Variants in MCOLN2 observed in about 807,000 individuals in gnomAD.
MCOLN2 encodes mucolipin TRP cation channel 2.
MCOLN2 carries 57 observed loss-of-function variants against 67.5 expected under a neutral mutation model. That is an observed-to-expected ratio of 0.84 (90% CI 0.68 to 1.05). The LOEUF is 1.05. Ranked by LOEUF, MCOLN2 falls within the 50% of genes least tolerant of loss-of-function variation. The probability of loss-of-function intolerance (pLI) is 0.00; values close to 1 mark genes in which losing one functional copy is unlikely to be tolerated. For synonymous variants in MCOLN2, 246 were observed against 233.3 expected, an observed-to-expected ratio of 1.05 and a Z score of -0.50; for missense variants, 620 against 678.8, an observed-to-expected ratio of 0.91 and a Z score of 0.96.
At chr1:84,980,530 C>A (rs908460883) in intron 1 of MCOLN2, among the ~76,000 whole-genome samples, 2 of 152,136 alleles carry the variant, frequency 1.3e-5, no homozygotes, top group Non-Finnish European at 2.9e-5. Context: ...CACACACCTA[C>A]AGTGAACTCA....
intron 1 of MCOLN2, among the ~76,000 whole-genome samples, chr1:84,993,933 T>C (rs1316637860): frequency 2.6e-5 from 4 of 152,072 alleles, no homozygotes; most frequent in African/African-American, 9.7e-5. Context: ...CCCGGCCAAA[T>C]AATAAGTCTT....
chr1:84,987,531 T>TATATA (rs1557665773), intron 1 of MCOLN2, among the ~76,000 whole-genome samples: 1 of 34,248 alleles, frequency 2.9e-5, no homozygotes, highest in African/African-American at 6.6e-5. Context: ...TATGTATACA[T>TATATA]CTATGTATAC....
Position 84,979,682 on chromosome 1 carries a change from A to G in MCOLN2, c.78-13974T>C, listed in dbSNP as rs140346625. Among the ~76,000 whole-genome samples the G allele has an allele frequency of 2.5e-3, 377 of 152,344 alleles. 5 individuals carry two copies. In the East Asian group the frequency reaches 0.051, roughly 20 times the overall value. On this transcript the variant is annotated intron_variant, in intron 1 of 13. Coordinates refer to ENST00000370608, the MANE Select transcript of MCOLN2 (RefSeq NM_153259.4). ...TATAGAAGGAATATACCTCAACATA[A>G]TAAGAACCATATACAGCATACCCAC...
intron 3 of MCOLN2, among the ~76,000 whole-genome samples, chr1:84,957,656 C>T (rs1395779216): frequency 1.3e-5 from 2 of 152,186 alleles, no homozygotes; most frequent in Non-Finnish European, 2.9e-5. Flanking sequence ...GCAAGATGGC[C>T]TCTGATCAAT....
chr1:84,993,922 G>A (rs370039962), intron 1 of MCOLN2, among the ~76,000 whole-genome samples: 6 of 152,022 alleles, frequency 3.9e-5, no homozygotes, highest in African/African-American at 9.7e-5. Context: ...GAGCCACCGC[G>A]CCCGGCCAAA....
At chr1:84,991,294 C>T (rs2102893723) in intron 1 of MCOLN2, among the ~76,000 whole-genome samples, 1 of 152,134 alleles carries the variant, frequency 6.6e-6, no homozygotes, top group African/African-American at 2.4e-5. Context: ...CTGTGTTGGC[C>T]CCAGGATAAT....
intron 6 of MCOLN2, among the ~76,000 whole-genome samples, 174 bp from the exon 7 acceptor site, chr1:84,947,306 C>CCACACA (rs59818609): frequency 0.023 from 3,221 of 141,092 alleles, 111 homozygotes; most frequent in African/African-American, 0.089. Flanking sequence ...GCACCCCCCA[C>CCACACA]CACACACACA....
At chr1:84,945,720 A>ATATTT (rs1184331926) in intron 7 of MCOLN2, among the ~76,000 whole-genome samples, 2 of 151,970 alleles carry the variant, frequency 1.3e-5, no homozygotes, top group South Asian at 4.2e-4. Context: ...GTAGCCCATG[A>ATATTT]TATTTTATTT....
intron 1 of MCOLN2, among the ~76,000 whole-genome samples, chr1:84,967,794 GGAGA>G (rs1231353701): frequency 7.3e-6 from 1 of 137,426 alleles, no homozygotes; most frequent in Non-Finnish European, 1.6e-5. Flanking sequence ...AGGAGAAAAA[GGAGA>G]GAGGGAGGGA....
intron 4 of MCOLN2, among the ~76,000 whole-genome samples, chr1:84,954,468 A>G (rs907720702): frequency 1.3e-5 from 2 of 152,170 alleles, no homozygotes; most frequent in Non-Finnish European, 2.9e-5. Context: ...GACTTTATAT[A>G]TTCTCTCAAT....
At chr1:84,940,818 G>T in intron 8 of MCOLN2, 61 bp downstream of exon 8, 1 of 1,155,912 alleles carries the variant, frequency 8.7e-7, no homozygotes, top group Non-Finnish European at 1.3e-6. Flanking sequence ...GTGGTCCACT[G>T]CTTGGGCAAA....
chr1:84,991,105 C>A (rs1000673879), intron 1 of MCOLN2, among the ~76,000 whole-genome samples: 1 of 151,750 alleles, frequency 6.6e-6, no homozygotes, highest in African/African-American at 2.4e-5. Context: ...TGGTGGTTAA[C>A]GTATGAATTC....
chr1:84,957,893 A>G (rs1472021162), intron 3 of MCOLN2, among the ~76,000 whole-genome samples: 2 of 152,204 alleles, frequency 1.3e-5, no homozygotes, highest in Non-Finnish European at 2.9e-5. Context: ...AGATACTTCA[A>G]TATTTATTGA....
intron 1 of MCOLN2, among the ~76,000 whole-genome samples, chr1:84,987,129 T>C (rs996884382): frequency 9.9e-5 from 15 of 151,738 alleles, no homozygotes; most frequent in Non-Finnish European, 2.1e-4. Context: ...CCAGCCCAGA[T>C]GCTCATCAAT....
chr1:84,933,602 T>G (rs981437521), intron 11 of MCOLN2, among the ~76,000 whole-genome samples: 1 of 152,180 alleles, frequency 6.6e-6, no homozygotes, highest in Non-Finnish European at 1.5e-5. Context: ...TTAAAGTTGG[T>G]TTCTATGGAT....
intron 7 of MCOLN2, among the ~76,000 whole-genome samples, chr1:84,944,539 A>C (rs1471695258): frequency 6.6e-6 from 1 of 152,064 alleles, no homozygotes; most frequent in Non-Finnish European, 1.5e-5. Flanking sequence ...CTCAAAAAGA[A>C]AGAAAGAAAG....
chr1:84,967,152 C>G lies in MCOLN2; in HGVS notation c.78-1444G>C, dbSNP rs78865215. Among the ~76,000 whole-genome samples the G allele has an allele frequency of 7.2e-3, 1,097 of 152,334 alleles. 15 individuals are homozygous for G. The highest frequency in any genetic ancestry group is 0.025 in the African/African-American group (1,028 of 41,576). Reference sequence around the variant, plus strand: ...TGAGTCCGGAGTTCCTAAAATCCATCTCACCACCAAAGGAGAGCTTGTCAG... The same window carrying G: ...TGAGTCCGGAGTTCCTAAAATCCATGTCACCACCAAAGGAGAGCTTGTCAG... On this transcript the variant is annotated intron_variant, in intron 1 of 13. Coordinates refer to ENST00000370608, the MANE Select transcript of MCOLN2 (RefSeq NM_153259.4).
chr1:84,952,119 C>T (rs1648516502), intron 6 of MCOLN2, 124 bp downstream of exon 6: 1 of 641,568 alleles, frequency 1.6e-6, no homozygotes. Flanking sequence ...TATTGTATCA[C>T]TAAATCTGTT....
At position 84,997,014 on chromosome 1, in the gene MCOLN2, T is replaced by A; in HGVS notation, c.-142A>T. ...CGGGGTTCCCTTCTCTTACCCTTTC[T>A]GCCGGCCGCGTGGTGCGCGCAGACC... On this transcript the variant is annotated 5_prime_UTR_variant, in exon 1 of 14. Coordinates refer to ENST00000370608, the MANE Select transcript of MCOLN2 (RefSeq NM_153259.4). The A allele has an allele frequency of 1.4e-6, 1 of 704,506 alleles. No homozygotes were observed. Among genetic ancestry groups the A allele is most frequent in the Non-Finnish European group, 2.4e-6 (1 of 420,658 alleles). 43.6% of individuals were successfully genotyped at this position (704,506 alleles called of 1,614,324 possible).
Sources: gnomAD v4.1 joint callset for allele counts (sites outside exome capture counted in the v4.1 genomes callset) on GRCh38, gnomAD v4.1.1 for gene constraint, MANE v1.5 for transcripts, NCBI Gene and HGNC (gene_info 2026-07-23, HGNC 2026-07-21) for gene names.